NTM: variants seen among roughly 807,000 people sequenced by gnomAD.
NTM encodes the protein IgLON family member 2.
NTM carries 13 observed loss-of-function variants against 42.1 expected under a neutral mutation model. The ratio of observed to expected loss-of-function variants is 0.31; its 90% confidence interval spans 0.20 to 0.49. The LOEUF is 0.49. NTM is among the 20% of genes least tolerant of loss of function. The probability of loss-of-function intolerance (pLI) is 0.99; values close to 1 mark genes in which losing one functional copy is unlikely to be tolerated. For missense variants in NTM, 373 were observed against 452.8 expected (o/e 0.82, Z 1.60); for synonymous variants, 187 against 179.2 (o/e 1.04, Z -0.35).
intron 1 of NTM, among the ~76,000 whole-genome samples, chr11:131,526,998 G>A (rs1363126790): frequency 1.3e-5 from 2 of 152,178 alleles, no homozygotes; most frequent in Admixed American, 1.3e-4. Flanking sequence ...TTGCAGCCAG[G>A]AGCAGTTTAG....
At chr11:131,948,975 C>T (rs1018464199) in intron 2 of NTM, among the ~76,000 whole-genome samples, 3 of 152,176 alleles carry the variant, frequency 2.0e-5, no homozygotes, top group African/African-American at 7.2e-5. Flanking sequence ...CATTTGACAG[C>T]AACTCCACGT....
At chr11:132,082,388 C>T (rs987177359) in intron 2 of NTM, among the ~76,000 whole-genome samples, 21 of 152,220 alleles carry the variant, frequency 1.4e-4, no homozygotes, top group African/African-American at 5.1e-4. Context: ...CAAGGCTCCT[C>T]CCAGCATAAG....
intron 1 of NTM, among the ~76,000 whole-genome samples, chr11:131,817,156 CATG>C (rs1196914790): frequency 1.1e-4 from 16 of 152,130 alleles, no homozygotes; most frequent in Non-Finnish European, 2.1e-4. Context: ...TTGGTCTCTC[CATG>C]ATTACTCAGT....
At chr11:131,527,752 G>A (rs2136638149) in intron 1 of NTM, among the ~76,000 whole-genome samples, 1 of 152,276 alleles carries the variant, frequency 6.6e-6, no homozygotes, top group South Asian at 2.1e-4. Context: ...CTTTTAACTA[G>A]TGTTCTTAGT....
chr11:131,854,040 T>C (rs2045866418), intron 1 of NTM, among the ~76,000 whole-genome samples: 1 of 152,234 alleles, frequency 6.6e-6, no homozygotes, highest in African/African-American at 2.4e-5. Context: ...TCATCTGTAG[T>C]AGTTTAGGAA....
chr11:131,986,088 T>C (rs1852146735), intron 2 of NTM, among the ~76,000 whole-genome samples: 1 of 152,220 alleles, frequency 6.6e-6, no homozygotes, highest in Non-Finnish European at 1.5e-5. Flanking sequence ...TGGATCTCTT[T>C]GGATCTGATT....
chr11:131,485,382 C>G (rs534315080), intron 1 of NTM, among the ~76,000 whole-genome samples: 2 of 152,338 alleles, frequency 1.3e-5, no homozygotes, highest in East Asian at 3.9e-4. Flanking sequence ...CCAGCTACCA[C>G]AGCAGGCATT....
chr11:131,666,436 A>G, intron 1 of NTM, among the ~76,000 whole-genome samples: 1 of 152,198 alleles, frequency 6.6e-6, no homozygotes, highest in East Asian at 1.9e-4. Flanking sequence ...ATCATTGACC[A>G]TAATATACCA....
At chr11:131,728,432 T>C (rs1322189619) in intron 1 of NTM, among the ~76,000 whole-genome samples, 1 of 152,140 alleles carries the variant, frequency 6.6e-6, no homozygotes, top group Non-Finnish European at 1.5e-5. Context: ...GGTGAAGCAA[T>C]GCATAGGATG....
At chr11:131,786,804 G>A (rs116129862) in intron 1 of NTM, among the ~76,000 whole-genome samples, 2,083 of 152,324 alleles carry the variant, frequency 0.014, 41 homozygotes, top group African/African-American at 0.045. Context: ...TTAGAAGCAC[G>A]TCTGAAGAGG....
chr11:131,789,598 GAA>G (rs2090378409), intron 1 of NTM, among the ~76,000 whole-genome samples: 2 of 76,750 alleles, frequency 2.6e-5, no homozygotes, highest in Non-Finnish European at 4.9e-5. Flanking sequence ...AGAAGAAGAA[GAA>G]GAAGAAGAAG....
chr11:131,639,759 C>G (rs972078097), intron 1 of NTM, among the ~76,000 whole-genome samples: 2 of 152,078 alleles, frequency 1.3e-5, no homozygotes, highest in African/African-American at 4.8e-5. Context: ...AGTTCGAGAC[C>G]AGCCTGGCCA....
intron 3 of NTM, among the ~76,000 whole-genome samples, chr11:132,211,528 C>A (rs61906026): frequency 1.4e-3 from 212 of 152,324 alleles, no homozygotes; most frequent in Non-Finnish European, 2.4e-3. Context: ...GGTGGGATCA[C>A]TGGGGATGGC....
chr11:131,988,668 T>C (rs1213804991), intron 2 of NTM, among the ~76,000 whole-genome samples: 1 of 152,138 alleles, frequency 6.6e-6, no homozygotes, highest in Non-Finnish European at 1.5e-5. Flanking sequence ...AAATCAGAGA[T>C]TCGCTAGAGA....
intron 1 of NTM, among the ~76,000 whole-genome samples, chr11:131,566,352 A>C (rs1020306052): frequency 6.6e-6 from 1 of 151,658 alleles, no homozygotes; most frequent in African/African-American, 2.4e-5. Flanking sequence ...CAAATCAGGA[A>C]CTCCTTTATG....
chr11:132,303,712 C>CAAAA (rs139688601), intron 4 of NTM, among the ~76,000 whole-genome samples: 1 of 113,160 alleles, frequency 8.8e-6, no homozygotes, highest in Non-Finnish European at 1.9e-5. Flanking sequence ...TTCTAGGTGA[C>CAAAA]AAAAAAAAAA....
chr11:131,829,800 G>A (rs1182841927), intron 1 of NTM, among the ~76,000 whole-genome samples: 1 of 152,076 alleles, frequency 6.6e-6, no homozygotes, highest in Non-Finnish European at 1.5e-5. Flanking sequence ...TCTCATCATA[G>A]TGTATAAGCA....
chr11:131,811,483 G>C (rs1527772), intron 1 of NTM, among the ~76,000 whole-genome samples: 1 of 152,202 alleles, frequency 6.6e-6, no homozygotes, highest in Non-Finnish European at 1.5e-5. Flanking sequence ...GAGGAAGAGC[G>C]AGTGGGAAAT....
intron 4 of NTM, among the ~76,000 whole-genome samples, chr11:132,225,506 T>C (rs1024992515): frequency 6.6e-6 from 1 of 152,030 alleles, no homozygotes; most frequent in African/African-American, 2.4e-5. Context: ...GGAATGCATT[T>C]GGTGCGTATG....
Sources: allele counts gnomAD v4.1 joint callset (sites outside exome capture counted in the v4.1 genomes callset), GRCh38; gene constraint gnomAD v4.1.1; transcripts MANE v1.5; gene names NCBI Gene and HGNC (gene_info 2026-07-23, HGNC 2026-07-21).